ABCC1: variants seen among roughly 807,000 people sequenced by gnomAD.
The protein encoded by ABCC1 is ATP binding cassette subfamily C member 1 (ABCC1 blood group), also known as multidrug resistance-associated protein 1.
Under a neutral mutation model 172.9 loss-of-function variants are expected in ABCC1, and 83 were observed. The ratio of observed to expected loss-of-function variants is 0.48; its 90% CI spans 0.40 to 0.58. The LOEUF is 0.58. ABCC1 is among the 20% of genes least tolerant of loss of function. The pLI is 0.00. For synonymous variants in ABCC1, 937 were observed against 825.2 expected (o/e 1.14, Z -2.32); for missense variants, 1,817 against 2,002.7 (o/e 0.91, Z 1.77).
At chr16:15,970,943 C>G (rs1236417867) in intron 1 of ABCC1, among the ~76,000 whole-genome samples, 1 of 152,136 alleles carries the variant, frequency 6.6e-6, no homozygotes, top group East Asian at 1.9e-4. Flanking sequence ...TGGAAAGAAC[C>G]AATGACTAAT....
intron 1 of ABCC1, among the ~76,000 whole-genome samples, chr16:15,951,884 C>A (rs45447893): frequency 6.6e-6 from 1 of 152,034 alleles, no homozygotes; most frequent in African/African-American, 2.4e-5. Context: ...GAGACAGATT[C>A]GCACTATATT....
intron 26 of ABCC1, among the ~76,000 whole-genome samples, chr16:16,128,315 C>T (rs114305532): frequency 0.018 from 2,695 of 151,908 alleles, 85 homozygotes; most frequent in African/African-American, 0.061. Flanking sequence ...GGATTACAGG[C>T]GATTTTTGTA....
chr16:15,976,641 A>G (rs1454979258), intron 1 of ABCC1, among the ~76,000 whole-genome samples: 1 of 152,146 alleles, frequency 6.6e-6, no homozygotes, highest in Non-Finnish European at 1.5e-5. Context: ...TAGTCAGTCT[A>G]CTAAGGGGGC....
intron 1 of ABCC1, among the ~76,000 whole-genome samples, chr16:16,006,565 C>CT (rs11441919): frequency 0.6 from 89,205 of 147,916 alleles, 27,052 homozygotes; most frequent in Non-Finnish European, 0.67. Flanking sequence ...AAAATACAGG[C>CT]TTTTTTTTTT....
At chr16:15,960,841 T>A (rs922174440) in intron 1 of ABCC1, among the ~76,000 whole-genome samples, 1 of 152,112 alleles carries the variant, frequency 6.6e-6, no homozygotes, top group Non-Finnish European at 1.5e-5. Context: ...AAATCTAGCC[T>A]GGAGCATTCG....
chr16:16,102,825 G>A, intron 20 of ABCC1, 108 bp downstream of exon 20: 1 of 1,024,442 alleles, frequency 9.8e-7, no homozygotes, highest in East Asian at 2.6e-5. Context: ...GGAAGGCCTG[G>A]GCTTTTACCT....
intron 5 of ABCC1, among the ~76,000 whole-genome samples, chr16:16,024,488 A>G (rs1025273026): frequency 6.6e-6 from 1 of 152,256 alleles, no homozygotes; most frequent in East Asian, 1.9e-4. Context: ...AGTAGCTGGG[A>G]CCATAGTTGC....
intron 10 of ABCC1, 57 bp downstream of exon 10, chr16:16,048,360 A>T: frequency 6.3e-7 from 1 of 1,597,302 alleles, no homozygotes; most frequent in Non-Finnish European, 8.6e-7. Flanking sequence ...ACGTGTGGGC[A>T]GTGGGCCGAG....
chr16:16,114,344 A>G (rs865931777), intron 22 of ABCC1, among the ~76,000 whole-genome samples: 2 of 145,794 alleles, frequency 1.4e-5, no homozygotes, highest in African/African-American at 5.0e-5. Flanking sequence ...TATTATTACT[A>G]TTTTTTTTTT....
At position 16,036,529 on chromosome 16, in the gene ABCC1, C is replaced by T. The variant is rs1567335031; in HGVS notation, c.735C>T (p.Asn245=). ...PLEGSDLWSL[N]KEDTSEQVVP... ...AGGGCAGTGACCTCTGGTCCTTAAA[C>T]AAGGAGGACACGTCGGAACAAGTCG... Residue 245 remains asparagine, a synonymous_variant, in exon 7 of 31, where the codon AAC becomes AAT. Transcript: ENST00000399410. The T allele has an allele frequency of 6.2e-7, 1 of 1,614,058 alleles. No homozygotes were observed. Among genetic ancestry groups the T allele is most frequent in the Non-Finnish European group, 8.5e-7 (1 of 1,179,922 alleles).
chr16:16,108,455 G>C (rs868117601), intron 21 of ABCC1, among the ~76,000 whole-genome samples: 3 of 151,718 alleles, frequency 2.0e-5, no homozygotes, highest in Middle Eastern at 6.8e-3. Context: ...ATTTTCGGTA[G>C]AGATGGCGTT....
At chr16:16,124,638 T>G (rs12921067) in intron 24 of ABCC1, 151 bp from the exon 25 acceptor site, 7 of 1,167,210 alleles carry the variant, frequency 6.0e-6, no homozygotes, top group South Asian at 3.0e-5. Flanking sequence ...GTGCATGTTT[T>G]GAAAAAGCAG....
At chr16:16,012,484 GATTTT>G (rs751645416) in intron 3 of ABCC1, among the ~76,000 whole-genome samples, 1 of 99,700 alleles carries the variant, frequency 1.0e-5, no homozygotes, top group Non-Finnish European at 2.2e-5. Context: ...TATTAGAGTG[GATTTT>G]TTTTTTTTTT....
intron 19 of ABCC1, among the ~76,000 whole-genome samples, chr16:16,101,565 C>T (rs2051750381): frequency 6.6e-6 from 1 of 152,180 alleles, no homozygotes; most frequent in African/African-American, 2.4e-5. Flanking sequence ...ATGCTGCTGG[C>T]TGCGTATTTA....
chr16:16,086,710 C>G, intron 17 of ABCC1, 114 bp from the exon 18 acceptor site: 1 of 1,161,062 alleles, frequency 8.6e-7, no homozygotes, highest in Non-Finnish European at 1.2e-6. Context: ...CTCAAGCAGT[C>G]CTTCCACCTT....
rs560704139 is a variant in ABCC1 at position 16,121,761 on chromosome 16, A to T, written c.3391-214A>T. On this transcript the variant is annotated intron_variant, in intron 23 of 30. Coordinates refer to ENST00000399410, the MANE Select transcript of ABCC1 (RefSeq NM_004996.4). ...ATGCCTGGGGCTGTGGGCTTTGTAT[A>T]AGCGTGAGCTATTATTGTCACTGTC... is the stretch of plus-strand genomic sequence containing the variant. 3.3e-5 allele frequency among the ~76,000 whole-genome samples: 5 copies of T among 152,278 alleles called. No individual in the cohort carries two copies. In the East Asian group the frequency reaches 7.7e-4, roughly 23 times the overall value.
At chr16:16,020,640 C>A (rs2048163541) in intron 5 of ABCC1, among the ~76,000 whole-genome samples, 2 of 152,168 alleles carry the variant, frequency 1.3e-5, no homozygotes, top group Admixed American at 6.5e-5. Flanking sequence ...AGAAGTTTGT[C>A]CACCCCTGGT....
intron 1 of ABCC1, among the ~76,000 whole-genome samples, chr16:15,974,240 T>C (rs961886457): frequency 6.6e-6 from 1 of 152,140 alleles, no homozygotes; most frequent in African/African-American, 2.4e-5. Context: ...TTATTTATTT[T>C]CTCCTGTCTG....
rs756648375 is a variant in ABCC1, at chr16:16,102,638, G to A, written c.2656G>A (p.Val886Ile). 78 of 1,582,960 alleles carry A rather than the reference G, an allele frequency of 4.9e-5. 1 individual carries two copies. The highest frequency in any genetic ancestry group is 9.1e-5 in the Admixed American group (5 of 55,112). ...QDAEENGVTG[V>I]SGPGKEAKQM... ...CTCTCTTCTGCCAGGGGTCACGGGCGTCAGCGGTCCAGGGAAGGAAGCAAA... is the reference window on the plus strand; with the variant it reads ...CTCTCTTCTGCCAGGGGTCACGGGCATCAGCGGTCCAGGGAAGGAAGCAAA... The change falls in exon 20 of 31, where the codon GTC becomes ATC. Residue 886 changes from valine (V) to isoleucine (I), a missense_variant. Physicochemically the swap from Val to Ile is conservative, Grantham distance 29. Around this residue, in one of 3 missense-constraint regions of ABCC1, gnomAD observed 1,412 missense variants for 1,600.3 expected, o/e 0.88. Transcript: ENST00000399410.
Sources: gnomAD v4.1 joint callset for allele counts (sites outside exome capture counted in the v4.1 genomes callset) on GRCh38, gnomAD v4.1.1 for gene constraint, gnomAD v4.1.1 regional missense constraint, MANE v1.5 for transcripts, NCBI Gene and HGNC (gene_info 2026-07-23, HGNC 2026-07-21) for gene names.